The following RGS8 variants were observed in gnomAD, a reference collection of about 807,000 sequenced individuals.
The protein encoded by RGS8 is regulator of G-protein signaling 8.
RGS8 carries 8 observed loss-of-function variants against 21.7 expected under a neutral mutation model. That is an observed-to-expected ratio of 0.37 (90% CI 0.22 to 0.66). RGS8 has a LOEUF of 0.66. RGS8 is among the 30% of genes least tolerant of loss of function. RGS8 has a pLI of 0.59. For synonymous variants in RGS8, 80 were observed against 83.6 expected (o/e 0.96, Z 0.24); for missense variants, 157 against 217.9 (o/e 0.72, Z 1.76).
At chr1:182,709,039 C>T in the RGS8 span, among the ~76,000 whole-genome samples, 2 of 146,234 alleles carry the variant, frequency 1.4e-5, no homozygotes, top group African/African-American at 2.6e-5. Context: ...TTCTTCTCTC[C>T]GTTTCTCTCT....
the RGS8 span, among the ~76,000 whole-genome samples, chr1:182,705,355 T>C: frequency 6.6e-6 from 1 of 152,162 alleles, no homozygotes; most frequent in Admixed American, 6.5e-5. Flanking sequence ...TCTATTCAGG[T>C]CCTCAATGCA....
chr1:182,674,232 G>A (rs1419368031), upstream of RGS8, among the ~76,000 whole-genome samples: 1 of 152,170 alleles, frequency 6.6e-6, no homozygotes, highest in Non-Finnish European at 1.5e-5. Flanking sequence ...GAGCAGGGCT[G>A]CAAATGGGCC....
intron 1 of RGS8, among the ~76,000 whole-genome samples, chr1:182,682,369 G>T (rs1664564001): frequency 2.0e-5 from 3 of 152,178 alleles, no homozygotes; most frequent in Admixed American, 6.5e-5. Flanking sequence ...TGGGCTTAAA[G>T]GTTCTGAAGG....
the RGS8 span, among the ~76,000 whole-genome samples, chr1:182,736,180 T>A: frequency 1.0e-3 from 153 of 152,358 alleles, no homozygotes; most frequent in African/African-American, 3.5e-3. Context: ...ACTATTAAAA[T>A]ATTAAATGGT....
chr1:182,723,420 T>A, the RGS8 span, among the ~76,000 whole-genome samples: 6 of 152,250 alleles, frequency 3.9e-5, no homozygotes, highest in East Asian at 1.2e-3. Context: ...CCTTACTACA[T>A]GGGCCTGGCT....
intron 1 of RGS8, among the ~76,000 whole-genome samples, chr1:182,678,513 G>T (rs75260810): frequency 0.011 from 1,617 of 152,288 alleles, 29 homozygotes; most frequent in African/African-American, 0.037. Flanking sequence ...ATCACCTACA[G>T]AAACTAAACT....
At chr1:182,741,811 T>A in the RGS8 span, among the ~76,000 whole-genome samples, 3 of 102,750 alleles carry the variant, frequency 2.9e-5, no homozygotes, top group African/African-American at 1.0e-4. Context: ...GGCTCCTCAC[T>A]TCCCAGTAGG....
intron 5 of RGS8, among the ~76,000 whole-genome samples, chr1:182,655,528 AG>A (rs1241274206): frequency 6.6e-6 from 1 of 152,206 alleles, no homozygotes; most frequent in African/African-American, 2.4e-5. Flanking sequence ...GTGAACTCAT[AG>A]CCAGCTCTCA....
chr1:182,724,658 A>G, the RGS8 span, among the ~76,000 whole-genome samples: 2 of 152,232 alleles, frequency 1.3e-5, no homozygotes, highest in East Asian at 3.9e-4. Flanking sequence ...CCTGGGTTCA[A>G]GAGATTCTCC....
the RGS8 span, among the ~76,000 whole-genome samples, chr1:182,728,698 T>G: frequency 6.6e-6 from 1 of 152,130 alleles, no homozygotes; most frequent in Non-Finnish European, 1.5e-5. Context: ...ATAATTGCAT[T>G]AAGAATTAGA....
chr1:182,687,740 G>A (rs2102462551), upstream of RGS8, among the ~76,000 whole-genome samples: 1 of 152,326 alleles, frequency 6.6e-6, no homozygotes, highest in Non-Finnish European at 1.5e-5. Flanking sequence ...TAGGGACTCT[G>A]CATTTGTTAG....
the RGS8 span, among the ~76,000 whole-genome samples, chr1:182,746,107 T>C: frequency 2.0e-5 from 3 of 152,166 alleles, no homozygotes; most frequent in South Asian, 2.1e-4. Flanking sequence ...CTAGAAATTC[T>C]TCCCTGGGCT....
chr1:182,671,609 C>T, intron 2 of RGS8, 48 bp downstream of exon 3: 1 of 1,520,430 alleles, frequency 6.6e-7, no homozygotes, highest in Non-Finnish European at 9.1e-7. Context: ...GCAATCGGTG[C>T]ACACAGACAC....
At chr1:182,703,610 A>AT in the RGS8 span, among the ~76,000 whole-genome samples, 2 of 152,258 alleles carry the variant, frequency 1.3e-5, no homozygotes, top group African/African-American at 4.8e-5. Flanking sequence ...TACAGAACCA[A>AT]TATCAGCTAT....
At chr1:182,748,934 A>AT in the RGS8 span, among the ~76,000 whole-genome samples, 13 of 151,618 alleles carry the variant, frequency 8.6e-5, no homozygotes, top group African/African-American at 2.2e-4. Context: ...TCTTTTGCCT[A>AT]TTTTTTTTAT....
intron 1 of RGS8, among the ~76,000 whole-genome samples, chr1:182,681,164 TGGAGG>T (rs1430985257): frequency 6.6e-6 from 1 of 151,916 alleles, no homozygotes; most frequent in Non-Finnish European, 1.5e-5. Context: ...GGGAGAGGTG[TGGAGG>T]CTGCATGGAT....
the RGS8 span, among the ~76,000 whole-genome samples, chr1:182,749,506 A>G: frequency 6.6e-6 from 1 of 152,172 alleles, no homozygotes; most frequent in Non-Finnish European, 1.5e-5. Context: ...TTTGTAGTAT[A>G]CTTTGAAATC....
the RGS8 span, among the ~76,000 whole-genome samples, chr1:182,715,945 C>T: frequency 6.6e-6 from 1 of 152,078 alleles, no homozygotes; most frequent in Non-Finnish European, 1.5e-5. Flanking sequence ...CTTTCATATC[C>T]AAGGGGCATA....
chr1:182,673,245 C>CT (rs1447195960), upstream of RGS8, among the ~76,000 whole-genome samples: 2 of 152,058 alleles, frequency 1.3e-5, no homozygotes, highest in Non-Finnish European at 2.9e-5. Context: ...TTTTTTAAAC[C>CT]TTTTTAAATG....
Sources: gnomAD v4.1 joint callset for allele counts (sites outside exome capture counted in the v4.1 genomes callset) on GRCh38, gnomAD v4.1.1 for gene constraint, MANE v1.5 for transcripts, NCBI Gene and HGNC (gene_info 2026-07-23, HGNC 2026-07-21) for gene names.